The following CCDC57 variants were observed in gnomAD, a reference collection of about 807,000 sequenced individuals.
CCDC57 encodes coiled-coil domain-containing protein 57.
Under a neutral mutation model 118.9 loss-of-function variants are expected in CCDC57, and 118 were observed. The observed-to-expected ratio is 0.99, with a 90% CI of 0.86 to 1.16. The LOEUF is 1.16. CCDC57 is among the 50% of genes most tolerant of loss of function. The probability of loss-of-function intolerance (pLI) is 0.00; values close to 1 mark genes in which losing one functional copy is unlikely to be tolerated. For missense variants in CCDC57, 1,300 were observed against 1,320.7 expected, an observed-to-expected ratio of 0.98 and a Z score of 0.24; for synonymous variants, 527 against 532.9, an observed-to-expected ratio of 0.99 and a Z score of 0.15.
chr17:82,152,895 C>G (rs145153696), intron 15 of CCDC57, among the ~76,000 whole-genome samples: 6 of 152,324 alleles, frequency 3.9e-5, no homozygotes, highest in Non-Finnish European at 7.3e-5. Context: ...GTGGGACGCT[C>G]GGGGGCCGCG....
At chr17:82,204,067 T>C (rs2146949132) in intron 2 of CCDC57, among the ~76,000 whole-genome samples, 1 of 152,182 alleles carries the variant, frequency 6.6e-6, no homozygotes, top group African/African-American at 2.4e-5. Flanking sequence ...GCACACCCGC[T>C]GGGGGCACGA....
At chr17:82,128,579 C>A (rs1438835222) in exon 18 of CCDC57, 1 of 1,567,454 alleles carries the variant, frequency 6.4e-7, no homozygotes, top group Non-Finnish European at 8.7e-7. Flanking sequence ...GGAGCCTCAT[C>A]CTCGGCACTC....
chr17:82,106,070 GC>G (rs1174897228), intron 19 of CCDC57, among the ~76,000 whole-genome samples: 8 of 152,246 alleles, frequency 5.3e-5, no homozygotes, highest in Non-Finnish European at 4.4e-5. Context: ...TCCCCCAACG[GC>G]ACTGGCAGGT....
rs2044817737 is a variant in CCDC57, at chr17:82,172,078, GCA to G, written c.1730-227_1730-226del. On this transcript the variant is annotated intron_variant, in intron 12 of 19. Coordinates refer to ENST00000665763, the Ensembl canonical transcript of CCDC57. This position sits in a 1 kb window ranked among gnomAD's most constrained non-coding sequence, Gnocchi z 5.2. ...GCCAGAGTGTGCCAGCCAGAGACCA[GCA>G]CAGTCTCCATGCTCTCCAGGAAGGG... Among the ~76,000 whole-genome samples the G allele has an allele frequency of 6.6e-6, 1 of 152,164 alleles. No individual in the cohort carries two copies. The highest frequency in any genetic ancestry group is 1.5e-5 in the Non-Finnish European group (1 of 68,016).
chr17:82,117,129 C>T (rs1450806800), intron 19 of CCDC57, among the ~76,000 whole-genome samples: 1 of 152,108 alleles, frequency 6.6e-6, no homozygotes, highest in Non-Finnish European at 1.5e-5. Flanking sequence ...CGAGGTAGAT[C>T]ACTTGAGCCC....
chr17:82,160,190 C>T (rs1279873822), intron 14 of CCDC57: 1 of 152,188 alleles, frequency 6.6e-6, no homozygotes, highest in Non-Finnish European at 1.5e-5. Context: ...CTTGTTATGT[C>T]GCCTCACAAG....
At chr17:82,135,469 T>C (rs2039016757) in intron 16 of CCDC57, 2 of 152,198 alleles carry the variant, frequency 1.3e-5, no homozygotes, top group Non-Finnish European at 2.9e-5. Context: ...ATATTGCTTA[T>C]GATCAACATC....
chr17:82,163,727 T>C (rs2146100455), intron 13 of CCDC57, among the ~76,000 whole-genome samples: 1 of 152,236 alleles, frequency 6.6e-6, no homozygotes, highest in East Asian at 1.9e-4. Flanking sequence ...CAATGGACAT[T>C]AACAACTATT....
chr17:82,126,477 G>A, intron 19 of CCDC57: 1 of 975,302 alleles, frequency 1.0e-6, no homozygotes, highest in African/African-American at 1.8e-5. Context: ...CAATAAGAAA[G>A]ACCACAATCT....
rs375594868 is a variant in CCDC57, at chr17:82,101,881, G to A, written c.2900-15C>T. The A allele has an allele frequency of 1.2e-4, 192 of 1,553,970 alleles. 2 individuals are homozygous for A. The East Asian group carries it at 2.5e-3, about 21-fold the overall frequency. On this transcript the variant is annotated splice_polypyrimidine_tract_variant and intron_variant, in intron 19 of 19. Transcript: ENST00000665763. ...AGCTGGGAGCTCTGTCAGGTAAAGA[G>A]GAAAAAACAGCATGCATCAGGATGG...
At chr17:82,126,608 TC>T (rs1224879443) in intron 19 of CCDC57, 2 of 985,180 alleles carry the variant, frequency 2.0e-6, no homozygotes, top group Non-Finnish European at 2.4e-6. Context: ...CGGCAAAAGT[TC>T]CGTGTGGCTA....
chr17:82,191,633 T>C (rs1371244297), intron 7 of CCDC57, among the ~76,000 whole-genome samples: 2 of 152,136 alleles, frequency 1.3e-5, no homozygotes, highest in Non-Finnish European at 2.9e-5. Flanking sequence ...AGCTATAAGA[T>C]GATCTGCTTC....
intron 16 of CCDC57, among the ~76,000 whole-genome samples, chr17:82,141,177 A>ATTTTTTTTTT (rs56298520): frequency 8.2e-6 from 1 of 121,536 alleles, no homozygotes; most frequent in Non-Finnish European, 1.7e-5. Flanking sequence ...CGCCCGGCTA[A>ATTTTTTTTTT]TTTTTTTTTT....
At position 82,184,031 on chromosome 17, in the gene CCDC57, G is replaced by GCGCGCGCGCGCA; in HGVS notation, c.1053-100_1053-99insTGCGCGCGCGCG. On this transcript the variant is annotated intron_variant, in intron 8 of 19. Coordinates refer to ENST00000665763, the Ensembl canonical transcript of CCDC57. Reference sequence around the variant, plus strand: ...CAAATACACATGCGCGCGCGCGCGCGCACACACACACACACACACACACAC... The same window carrying GCGCGCGCGCGCA: ...CAAATACACATGCGCGCGCGCGCGCGCGCGCGCGCGCACACACACACACACACACACACACAC... The GCGCGCGCGCGCA allele has an allele frequency of 2.4e-3, 314 of 131,884 alleles. 2 individuals are homozygous for GCGCGCGCGCGCA. The highest frequency in any genetic ancestry group is 3.8e-3 in the Non-Finnish European group (260 of 67,660). The allele number at this position is 131,884 out of a possible 1,614,324, so 8.2% of individuals were successfully genotyped here.
chr17:82,186,995 T>C (rs2047004199), intron 8 of CCDC57, among the ~76,000 whole-genome samples: 1 of 151,240 alleles, frequency 6.6e-6, no homozygotes, highest in South Asian at 2.1e-4. Context: ...TCCCAGCACT[T>C]TGGGAGGCCG....
chr17:82,136,699 G>GTGAT (rs2039237176), intron 16 of CCDC57, among the ~76,000 whole-genome samples: 2 of 151,632 alleles, frequency 1.3e-5, no homozygotes, highest in Admixed American at 1.3e-4. Flanking sequence ...CTGGGCTCAA[G>GTGAT]CGATCCTCCC....
chr17:82,119,151 A>AC (rs78230601), intron 19 of CCDC57, among the ~76,000 whole-genome samples: 3 of 136,366 alleles, frequency 2.2e-5, no homozygotes, highest in Admixed American at 7.6e-5. Context: ...GTGAGAAATT[A>AC]GTCGTATTTT....
At chr17:82,203,472 CATAAAA>C (rs2049236386) in intron 2 of CCDC57, among the ~76,000 whole-genome samples, 2 of 151,822 alleles carry the variant, frequency 1.3e-5, no homozygotes, top group Admixed American at 6.6e-5. Flanking sequence ...TTGGTAAAAC[CATAAAA>C]ATAAAGTGCT....
At chr17:82,201,350 C>G (rs1377159482) in intron 3 of CCDC57, among the ~76,000 whole-genome samples, 188 bp downstream of exon 2, 2 of 152,220 alleles carry the variant, frequency 1.3e-5, no homozygotes, top group African/African-American at 4.8e-5. Flanking sequence ...CACATTAACT[C>G]AACAAACACA....
Sources: allele counts gnomAD v4.1 joint callset (sites outside exome capture counted in the v4.1 genomes callset), GRCh38; gene constraint gnomAD v4.1.1; non-coding constraint Gnocchi (gnomAD v3.1); transcripts MANE v1.5; gene names NCBI Gene and HGNC (gene_info 2026-07-23, HGNC 2026-07-21).